The following ZNF606 variants were observed in gnomAD, a reference collection of about 807,000 sequenced individuals.
ZNF606 encodes the protein zinc finger protein 328.
A neutral mutation model predicts 74.9 loss-of-function variants in ZNF606; 37 were observed. The observed-to-expected ratio is 0.49, with a 90% CI of 0.38 to 0.65. The LOEUF (loss-of-function observed/expected upper bound fraction) is 0.65, where lower values mean the gene tolerates loss of function less well. ZNF606 is among the 30% of genes least tolerant of loss of function. ZNF606 has a pLI of 0.00. For missense variants in ZNF606, 852 were observed against 952.9 expected, an observed-to-expected ratio of 0.89 and a Z score of 1.39; for synonymous variants, 328 against 312.4, an observed-to-expected ratio of 1.05 and a Z score of -0.53.
At chr19:57,997,091 CAT>C (rs1309529380) in intron 4 of ZNF606, among the ~76,000 whole-genome samples, 1 of 152,156 alleles carries the variant, frequency 6.6e-6, no homozygotes, top group Non-Finnish European at 1.5e-5. Flanking sequence ...AGAAGGAAAA[CAT>C]AAATAGATTG....
chr19:57,999,456 TCACAGCAGG>T, intron 4 of ZNF606: 1 of 366,674 alleles, frequency 2.7e-6, no homozygotes, highest in Non-Finnish European at 4.9e-6. Context: ...CTTGTTCCCT[TCACAGCAGG>T]CACAGCAGGC....
chr19:57,995,637 G>A (rs930903104), intron 4 of ZNF606, among the ~76,000 whole-genome samples: 2 of 152,104 alleles, frequency 1.3e-5, no homozygotes, highest in Admixed American at 1.3e-4. Context: ...TGCCCAATAT[G>A]ACAAAACCCC....
intron 4 of ZNF606, chr19:57,998,354 A>G (rs1158230075): frequency 2.0e-5 from 3 of 152,208 alleles, no homozygotes; most frequent in Admixed American, 2.0e-4. Flanking sequence ...TACACTTATT[A>G]CATTTACATT....
At chr19:57,983,578 CAA>C (rs143411161) in intron 6 of ZNF606, among the ~76,000 whole-genome samples, 13 of 120,044 alleles carry the variant, frequency 1.1e-4, no homozygotes, top group Non-Finnish European at 1.1e-4. Flanking sequence ...AACTCCGTCT[CAA>C]AAAAAAAAAA....
In ZNF606 at chr19:57,978,013, T is replaced by C; in HGVS notation, c.*288A>G. ...AGAGCTCTTGCTAAAAGATGCCTCA[T>C]TCCCCACAGTCATGGTCCTCAAGTA... is the stretch of plus-strand genomic sequence containing the variant. On this transcript the variant is annotated 3_prime_UTR_variant, in exon 7 of 7. Transcript: ENST00000551380. This position sits in a 1 kb window ranked among gnomAD's most constrained non-coding sequence, Gnocchi z 4.4. 2 of 240,490 alleles carry C rather than the reference T, an allele frequency of 8.3e-6. No individual in the cohort carries two copies. The highest frequency in any genetic ancestry group is 8.0e-6 in the Non-Finnish European group (1 of 125,684). 14.9% of individuals were successfully genotyped at this position (240,490 alleles called of 1,614,324 possible). A position where few individuals can be genotyped will look rare whatever the true frequency, so the allele number is the denominator to read the frequency against.
chr19:57,997,179 G>A (rs1047214050), intron 4 of ZNF606, among the ~76,000 whole-genome samples: 1 of 152,218 alleles, frequency 6.6e-6, no homozygotes, highest in Non-Finnish European at 1.5e-5. Context: ...TTGTTATGCA[G>A]ATATCCTAGG....
intron 6 of ZNF606, among the ~76,000 whole-genome samples, chr19:57,984,855 G>A (rs2073140826): frequency 6.6e-6 from 1 of 152,322 alleles, no homozygotes; most frequent in South Asian, 2.1e-4. Context: ...AGCACTTTGG[G>A]AGGCTGAGGC....
rs1219815855 is a variant in ZNF606 at position 57,999,855 on chromosome 19, G to A, written c.130C>T (p.Leu44=). ...CCAGTGGCCCTCCTCCCCTCCTCCA[G>A]GCTTCCCTCCACGTGCCAGGCAGGA... The part of the protein sequence containing the change: ...QYPAWHVEGS[L]EEGRRATGLP... Residue 44 remains leucine, a synonymous_variant, in exon 4 of 7, where the codon CTG becomes TTG. Transcript: ENST00000551380. 2 of 1,613,986 alleles carry A rather than the reference G, an allele frequency of 1.2e-6. No individual in the cohort carries two copies. The highest frequency in any genetic ancestry group is 2.2e-5 in the South Asian group (2 of 91,080).
Position 58,002,468 on chromosome 19 carries a change from C to T in ZNF606, c.-124G>A. On this transcript the variant is annotated 5_prime_UTR_variant, in exon 1 of 7. Coordinates refer to ENST00000551380, the MANE Select transcript of ZNF606 (RefSeq NM_001348022.3). ...GGGTCTGCCCGCCTGGGGCGTTTGGCTTTTGTCCCGCGCCGAGGTCCGGCC... is the reference window on the plus strand; with the variant it reads ...GGGTCTGCCCGCCTGGGGCGTTTGGTTTTTGTCCCGCGCCGAGGTCCGGCC... 1 of 454,618 alleles carries T rather than the reference C, an allele frequency of 2.2e-6. No individual in the cohort carries two copies. Among genetic ancestry groups the T allele is most frequent in the South Asian group, 1.6e-5 (1 of 64,398 alleles). The allele number at this position is 454,618 out of a possible 1,614,324, so 28.2% of individuals were successfully genotyped here. A position where few individuals can be genotyped will look rare whatever the true frequency, so the allele number is the denominator to read the frequency against.
rs550768845 is a variant in ZNF606, at chr19:57,999,902, A to G, written c.89-6T>C. 1 of 1,612,980 alleles carries G rather than the reference A, an allele frequency of 6.2e-7. No homozygotes were observed. The highest frequency in any genetic ancestry group is 1.1e-5 in the South Asian group (1 of 91,076). On this transcript the variant is annotated splice_region_variant and splice_polypyrimidine_tract_variant and intron_variant, in intron 3 of 6. Transcript: ENST00000551380. ...AGGATACTGAGGACACAGAGCTAGG[A>G]AACGAGAAAAAAGTCATGGAGGCAG...
In ZNF606 at chr19:57,999,854, A is replaced by C. The variant is rs760424671; in HGVS notation, c.131T>G (p.Leu44Arg). 4.3e-6 allele frequency: 7 copies of C among 1,613,830 alleles called. No individual in the cohort carries two copies. Among genetic ancestry groups the C allele is most frequent in the Non-Finnish European group, 5.9e-6 (7 of 1,179,982 alleles). Residue 44 changes from leucine to arginine, a missense_variant, in exon 4 of 7, where the codon CTG becomes CGG. Physicochemically the swap from Leu to Arg is moderately radical, Grantham distance 102. Transcript: ENST00000551380. ...QYPAWHVEGS[L>R]EEGRRATGLP... ...CCCAGTGGCCCTCCTCCCCTCCTCC[A>C]GGCTTCCCTCCACGTGCCAGGCAGG...
At chr19:57,997,224 A>G (rs2073353125) in intron 4 of ZNF606, among the ~76,000 whole-genome samples, 1 of 152,198 alleles carries the variant, frequency 6.6e-6, no homozygotes, top group African/African-American at 2.4e-5. Context: ...ATGCTTCCGT[A>G]TTTGGAAAGG....
chr19:57,991,226 A>G (rs749580187), intron 4 of ZNF606, among the ~76,000 whole-genome samples: 8 of 152,144 alleles, frequency 5.3e-5, no homozygotes, highest in Non-Finnish European at 1.0e-4. Context: ...TCTATATTGA[A>G]GGATCTTGGA....
In ZNF606 at chr19:57,988,240, C is replaced by G; in HGVS notation, c.367G>C (p.Val123Leu). 1 of 1,614,104 alleles carries G rather than the reference C, an allele frequency of 6.2e-7. No individual in the cohort carries two copies. Among genetic ancestry groups the G allele is most frequent in the Non-Finnish European group, 8.5e-7 (1 of 1,180,002 alleles). Residue 123 changes from valine (V) to leucine (L), a missense_variant, in exon 6 of 7, where the codon GTG (valine) becomes CTG (leucine). Coordinates refer to ENST00000551380, the MANE Select transcript of ZNF606 (RefSeq NM_001348022.3). ...GTGCGTTGAGGACATGCCTGCTCCACTGACCACGGCTCTTCTCCTTGCTCC... is the reference window on the plus strand; with the variant it reads ...GTGCGTTGAGGACATGCCTGCTCCAGTGACCACGGCTCTTCTCCTTGCTCC... ...LLEQGEEPWS[V>L]EQACPQRTCP... is the part of the protein sequence containing the mutation.
chr19:57,993,112 AG>A (rs1231042928), intron 4 of ZNF606, among the ~76,000 whole-genome samples: 1 of 152,172 alleles, frequency 6.6e-6, no homozygotes, highest in Non-Finnish European at 1.5e-5. Context: ...GATGGAGGAC[AG>A]GGCATGAGTC....
chr19:57,990,914 C>A (rs1157517472), intron 4 of ZNF606, among the ~76,000 whole-genome samples: 5 of 152,164 alleles, frequency 3.3e-5, no homozygotes, highest in African/African-American at 7.2e-5. Context: ...CCTTACTGTG[C>A]CCCATGACAA....
intron 4 of ZNF606, 121 bp downstream of exon 4, chr19:57,999,687 C>G: frequency 1.0e-6 from 1 of 1,004,680 alleles, no homozygotes; most frequent in South Asian, 1.3e-5. Context: ...GAAGGATTAA[C>G]TTCCAGTTGC....
At chr19:58,001,865 G>C (rs2073435823) in intron 1 of ZNF606, among the ~76,000 whole-genome samples, 2 of 152,174 alleles carry the variant, frequency 1.3e-5, no homozygotes, top group African/African-American at 4.8e-5. Flanking sequence ...AGTGCTTAAA[G>C]TGAACATTAT....
intron 4 of ZNF606, among the ~76,000 whole-genome samples, chr19:57,993,769 C>T (rs1052542765): frequency 3.3e-5 from 5 of 152,226 alleles, no homozygotes; most frequent in Admixed American, 6.5e-5. Flanking sequence ...AGTCTGTGGC[C>T]TCACAGCTCT....
Sources: allele counts gnomAD v4.1 joint callset (sites outside exome capture counted in the v4.1 genomes callset), GRCh38; gene constraint gnomAD v4.1.1; non-coding constraint Gnocchi (gnomAD v3.1); transcripts MANE v1.5; gene names NCBI Gene and HGNC (gene_info 2026-07-23, HGNC 2026-07-21).